Variants in ZNF521 observed in about 807,000 individuals in gnomAD.
ZNF521 encodes the protein LYST-interacting protein 3.
ZNF521 carries 14 observed loss-of-function variants against 105.5 expected under a neutral mutation model. That is an observed-to-expected ratio of 0.13 (90% CI 0.09 to 0.21). The LOEUF (loss-of-function observed/expected upper bound fraction) is 0.21. Among genes scored for constraint, ZNF521 ranks in the 10% least tolerant of loss-of-function variants. The pLI is 1.00. For missense variants in ZNF521, 1,233 were observed against 1,629.7 expected (o/e 0.76, Z 4.19); for synonymous variants, 635 against 606.0 (o/e 1.05, Z -0.70).
At chr18:25,228,003 T>G (rs1001139626) in intron 3 of ZNF521, among the ~76,000 whole-genome samples, 6 of 152,264 alleles carry the variant, frequency 3.9e-5, no homozygotes, top group African/African-American at 1.4e-4. Flanking sequence ...ATTGACAATT[T>G]TATTAAAATG....
Position 25,338,984 on chromosome 18 carries a change from T to C in ZNF521, c.40+11923A>G, listed in dbSNP as rs544606613. Among the ~76,000 whole-genome samples, 12 of 152,302 alleles carry C rather than the reference T, an allele frequency of 7.9e-5. No individual in the cohort carries two copies. The South Asian group carries it at 1.2e-3, about 16-fold the overall frequency. ...AAAACAAACCCAGATATTTGAAAGT[T>C]AACAGACTTAGGTAATGGAAAACTC... On this transcript the variant is annotated intron_variant, in intron 2 of 7. Transcript: ENST00000361524.
At chr18:25,288,153 T>C (rs1265640082) in intron 3 of ZNF521, among the ~76,000 whole-genome samples, 1 of 152,168 alleles carries the variant, frequency 6.6e-6, no homozygotes, top group African/African-American at 2.4e-5. Context: ...ACAAAATCCA[T>C]TTGCATCCAT....
intron 7 of ZNF521, among the ~76,000 whole-genome samples, chr18:25,063,834 TTTGTATTACAACC>T (rs1392129479): frequency 6.6e-6 from 1 of 152,176 alleles, no homozygotes; most frequent in Non-Finnish European, 1.5e-5. Flanking sequence ...CCCCAATCCC[TTTGTATTACAACC>T]TTGGGGCCCA....
chr18:25,144,001 T>C (rs2034898911), intron 5 of ZNF521, among the ~76,000 whole-genome samples: 1 of 152,182 alleles, frequency 6.6e-6, no homozygotes, highest in South Asian at 2.1e-4. Context: ...GTCTCTCTTG[T>C]TTTTCTCAAA....
intron 3 of ZNF521, among the ~76,000 whole-genome samples, chr18:25,282,808 A>G (rs1910461621): frequency 6.6e-6 from 1 of 152,186 alleles, no homozygotes. Context: ...AAGAAAAACA[A>G]AACAAAAAAA....
chr18:25,342,415 T>TTTTG (rs143927151), intron 2 of ZNF521, among the ~76,000 whole-genome samples: 30,904 of 81,280 alleles, frequency 0.38, 3,657 homozygotes, highest in Non-Finnish European at 0.48. Flanking sequence ...TTTGTTTTTT[T>TTTTG]TTTGTTTGTT....
chr18:25,346,282 CT>C (rs985916114), intron 2 of ZNF521, among the ~76,000 whole-genome samples: 15 of 150,048 alleles, frequency 1.0e-4, no homozygotes, highest in African/African-American at 2.4e-4. Flanking sequence ...AAGAGAAACA[CT>C]TTTTTTTTGG....
At chr18:25,169,909 A>G (rs2035416902) in intron 5 of ZNF521, among the ~76,000 whole-genome samples, 1 of 152,310 alleles carries the variant, frequency 6.6e-6, no homozygotes, top group African/African-American at 2.4e-5. Context: ...ATTATAAAAT[A>G]CTTTTGCATC....
At chr18:25,214,957 C>T (rs142790405) in intron 4 of ZNF521, among the ~76,000 whole-genome samples, 156 of 151,938 alleles carry the variant, frequency 1.0e-3, no homozygotes, top group African/African-American at 3.2e-3. Context: ...GGCAGAATGA[C>T]GAGGCGAAAG....
At chr18:25,141,303 G>A (rs938236708) in intron 5 of ZNF521, among the ~76,000 whole-genome samples, 1 of 152,192 alleles carries the variant, frequency 6.6e-6, no homozygotes, top group Non-Finnish European at 1.5e-5. Context: ...AAAGCTGGCT[G>A]TTTATATGTG....
chr18:25,175,182 A>G (rs755847939), intron 5 of ZNF521, among the ~76,000 whole-genome samples: 2 of 152,240 alleles, frequency 1.3e-5, no homozygotes, highest in African/African-American at 2.4e-5. Context: ...CTAAGAAGTC[A>G]TCACAATAGC....
chr18:25,112,988 C>T (rs984602783), intron 5 of ZNF521, among the ~76,000 whole-genome samples: 2 of 150,216 alleles, frequency 1.3e-5, no homozygotes, highest in Non-Finnish European at 3.0e-5. Flanking sequence ...TTTTTGTACC[C>T]GCCTGCCTGT....
At chr18:25,131,416 C>G (rs1043892266) in intron 5 of ZNF521, among the ~76,000 whole-genome samples, 2 of 152,148 alleles carry the variant, frequency 1.3e-5, no homozygotes, top group African/African-American at 4.8e-5. Context: ...CTTGCAAATT[C>G]CAGCTCATTC....
intron 3 of ZNF521, among the ~76,000 whole-genome samples, chr18:25,272,426 G>T (rs1909724776): frequency 6.6e-6 from 1 of 152,066 alleles, no homozygotes; most frequent in Non-Finnish European, 1.5e-5. Context: ...ATACCCAAAG[G>T]ATTATAATTC....
At chr18:25,346,628 A>G (rs1914474968) in intron 2 of ZNF521, among the ~76,000 whole-genome samples, 1 of 152,234 alleles carries the variant, frequency 6.6e-6, no homozygotes, top group African/African-American at 2.4e-5. Flanking sequence ...CTACTCAAAA[A>G]TAAAATAAAA....
intron 5 of ZNF521, among the ~76,000 whole-genome samples, chr18:25,173,177 T>G (rs1480428675): frequency 6.6e-6 from 1 of 152,234 alleles, no homozygotes; most frequent in Non-Finnish European, 1.5e-5. Context: ...AATATGTACA[T>G]TCCCACAGTT....
intron 2 of ZNF521, among the ~76,000 whole-genome samples, chr18:25,329,084 G>T (rs1190557310): frequency 2.6e-5 from 4 of 152,202 alleles, no homozygotes; most frequent in Non-Finnish European, 4.4e-5. Flanking sequence ...TTAACAGCCA[G>T]TTGATCAAGG....
At chr18:25,301,513 G>T (rs1911640380) in intron 3 of ZNF521, among the ~76,000 whole-genome samples, 1 of 152,172 alleles carries the variant, frequency 6.6e-6, no homozygotes, top group South Asian at 2.1e-4. Flanking sequence ...ACACAGAGTT[G>T]ACTTCCAAAA....
At chr18:25,143,966 C>T (rs1449894672) in intron 5 of ZNF521, among the ~76,000 whole-genome samples, 1 of 152,102 alleles carries the variant, frequency 6.6e-6, no homozygotes, top group Non-Finnish European at 1.5e-5. Flanking sequence ...TTTCAGTATC[C>T]CTTGTTAGTG....
Sources: gnomAD v4.1 joint callset for allele counts (sites outside exome capture counted in the v4.1 genomes callset) on GRCh38, gnomAD v4.1.1 for gene constraint, MANE v1.5 for transcripts, NCBI Gene and HGNC (gene_info 2026-07-23, HGNC 2026-07-21) for gene names.